ZNF804B: variants seen among roughly 807,000 people sequenced by gnomAD.
ZNF804B encodes the protein zinc finger 804B.
In ZNF804B, 80 loss-of-function variants were observed where a neutral mutation model predicts 101.4. The ratio of observed to expected loss-of-function variants is 0.79; its 90% CI spans 0.66 to 0.95. ZNF804B has a LOEUF of 0.95. Ranked by LOEUF, ZNF804B falls within the 40% of genes least tolerant of loss-of-function variation. The pLI is 0.00. For synonymous variants in ZNF804B, 622 were observed against 558.8 expected, an observed-to-expected ratio of 1.11 and a Z score of -1.59; for missense variants, 1,673 against 1,561.9, an observed-to-expected ratio of 1.07 and a Z score of -1.20.
At chr7:89,268,975 G>A (rs945110281) in intron 2 of ZNF804B, among the ~76,000 whole-genome samples, 1 of 151,834 alleles carries the variant, frequency 6.6e-6, no homozygotes, top group Non-Finnish European at 1.5e-5. Context: ...GTCAACATCT[G>A]GTTGGCATTC....
At chr7:89,160,785 C>T (rs2116419303) in intron 1 of ZNF804B, among the ~76,000 whole-genome samples, 1 of 152,116 alleles carries the variant, frequency 6.6e-6, no homozygotes. Flanking sequence ...GAACTAAATC[C>T]CCTCTTCATG....
At chr7:88,794,220 C>T in intron 1 of ZNF804B, 4 of 1,612,858 alleles carry the variant, frequency 2.5e-6, no homozygotes, top group South Asian at 2.2e-5. Flanking sequence ...CCTCAGAATC[C>T]AGAGTGATGT....
intron 1 of ZNF804B, among the ~76,000 whole-genome samples, chr7:89,151,704 A>AG: frequency 6.6e-6 from 1 of 152,064 alleles, no homozygotes; most frequent in East Asian, 1.9e-4. Flanking sequence ...TCTCCTGAAA[A>AG]AAAAAAATAA....
intron 1 of ZNF804B, among the ~76,000 whole-genome samples, chr7:89,000,266 A>G (rs775219234): frequency 5.3e-5 from 8 of 152,030 alleles, no homozygotes; most frequent in Non-Finnish European, 1.2e-4. Context: ...TCATTTGAGG[A>G]AAGATGCACT....
chr7:88,884,010 C>G (rs1012030642), intron 1 of ZNF804B, among the ~76,000 whole-genome samples: 1 of 151,984 alleles, frequency 6.6e-6, no homozygotes, highest in African/African-American at 2.4e-5. Context: ...AAGAAATCAT[C>G]TAGTTTAATG....
intron 1 of ZNF804B, among the ~76,000 whole-genome samples, chr7:89,187,676 T>G (rs1188972414): frequency 6.6e-6 from 1 of 152,186 alleles, no homozygotes; most frequent in East Asian, 1.9e-4. Context: ...TTGTGGAAAC[T>G]AGTGAGCCTG....
intron 1 of ZNF804B, among the ~76,000 whole-genome samples, chr7:89,067,547 A>C (rs1271463272): frequency 6.6e-6 from 1 of 152,150 alleles, no homozygotes; most frequent in Admixed American, 6.6e-5. Context: ...GACACAGCAA[A>C]CACCCATGCC....
At chr7:88,981,231 G>A in intron 1 of ZNF804B, among the ~76,000 whole-genome samples, 1 of 152,036 alleles carries the variant, frequency 6.6e-6, no homozygotes, top group Non-Finnish European at 1.5e-5. Context: ...AATCCTGCCA[G>A]GAGTGAGTAC....
At chr7:89,250,667 T>C (rs1176880777) in intron 2 of ZNF804B, among the ~76,000 whole-genome samples, 1 of 152,152 alleles carries the variant, frequency 6.6e-6, no homozygotes, top group Non-Finnish European at 1.5e-5. Flanking sequence ...ATATCCCTGA[T>C]GAACACAGAC....
chr7:89,104,235 A>T (rs1312250572), intron 1 of ZNF804B, among the ~76,000 whole-genome samples: 1 of 151,932 alleles, frequency 6.6e-6, no homozygotes, highest in Non-Finnish European at 1.5e-5. Context: ...TATTAGGGTT[A>T]TACTGGATTC....
At chr7:88,768,065 A>G (rs994768375) in intron 1 of ZNF804B, among the ~76,000 whole-genome samples, 5 of 152,176 alleles carry the variant, frequency 3.3e-5, no homozygotes, top group African/African-American at 1.2e-4. Flanking sequence ...ATTCTGCCTT[A>G]TTTTACTCAA....
chr7:88,773,665 C>T (rs1165520898), intron 1 of ZNF804B, among the ~76,000 whole-genome samples: 3 of 152,022 alleles, frequency 2.0e-5, no homozygotes, highest in Admixed American at 6.6e-5. Flanking sequence ...ATTTAATTGG[C>T]TCACGGTTCT....
At chr7:89,298,240 A>G (rs1456309285) in intron 2 of ZNF804B, among the ~76,000 whole-genome samples, 14 of 114,956 alleles carry the variant, frequency 1.2e-4, no homozygotes, top group Admixed American at 3.8e-4. Flanking sequence ...ATATATATAT[A>G]TATATATATA....
chr7:89,072,690 G>T (rs1334172585), intron 1 of ZNF804B, among the ~76,000 whole-genome samples: 1 of 152,124 alleles, frequency 6.6e-6, no homozygotes, highest in Non-Finnish European at 1.5e-5. Context: ...ATGAGACTAT[G>T]TAAATATAAC....
At chr7:88,850,185 A>T (rs531624633) in intron 1 of ZNF804B, among the ~76,000 whole-genome samples, 1 of 152,262 alleles carries the variant, frequency 6.6e-6, no homozygotes, top group Admixed American at 6.5e-5. Context: ...TGAGGTAAAA[A>T]CAAATAAGGT....
At chr7:89,314,329 A>G (rs180839451) in intron 2 of ZNF804B, among the ~76,000 whole-genome samples, 11 of 152,296 alleles carry the variant, frequency 7.2e-5, no homozygotes, top group Non-Finnish European at 1.0e-4. Context: ...GCAAGGTAGA[A>G]GTATGCCCAA....
At chr7:89,139,384 T>C (rs1341139016) in intron 1 of ZNF804B, among the ~76,000 whole-genome samples, 1 of 152,088 alleles carries the variant, frequency 6.6e-6, no homozygotes, top group African/African-American at 2.4e-5. Context: ...AATAAAACAA[T>C]GATGATCTTT....
intron 2 of ZNF804B, among the ~76,000 whole-genome samples, chr7:89,250,911 C>A (rs61628484): frequency 0.047 from 7,121 of 152,170 alleles, 537 homozygotes; most frequent in African/African-American, 0.16. Flanking sequence ...TAAAAACATT[C>A]AAGGAACTAG....
At chr7:89,253,433 C>A (rs1364886388) in intron 2 of ZNF804B, among the ~76,000 whole-genome samples, 1 of 152,044 alleles carries the variant, frequency 6.6e-6, no homozygotes, top group East Asian at 1.9e-4. Flanking sequence ...TGATGTTATG[C>A]AGCTAATAAA....
Sources: gnomAD v4.1 joint callset for allele counts (sites outside exome capture counted in the v4.1 genomes callset) on GRCh38, gnomAD v4.1.1 for gene constraint, MANE v1.5 for transcripts, NCBI Gene and HGNC (gene_info 2026-07-23, HGNC 2026-07-21) for gene names.